PEMT: variants seen among roughly 807,000 people sequenced by gnomAD.
PEMT encodes the protein phosphatidylethanolamine N-methyltransferase, also known as phospholipid methyltransferase.
In PEMT, 23 loss-of-function variants were observed where a neutral mutation model predicts 27.4. The ratio of observed to expected loss-of-function variants is 0.84; its 90% CI spans 0.60 to 1.19. PEMT has a LOEUF of 1.19. Ranked by LOEUF, PEMT falls within the 50% of genes most tolerant of loss-of-function variation. The probability of loss-of-function intolerance (pLI) is 0.00; values close to 1 mark genes in which losing one functional copy is unlikely to be tolerated. For synonymous variants in PEMT, 137 were observed against 139.1 expected (o/e 0.98, Z 0.11); for missense variants, 307 against 310.1 (o/e 0.99, Z 0.07).
intron 1 of PEMT, among the ~76,000 whole-genome samples, chr17:17,584,083 C>T (rs1912115070): frequency 6.6e-6 from 1 of 152,230 alleles, no homozygotes; most frequent in Non-Finnish European, 1.5e-5. Flanking sequence ...CGGTGCTTCT[C>T]AAGGCCCTGC....
Position 17,513,632 on chromosome 17 carries a change from G to A in PEMT, c.321-978C>T, listed in dbSNP as rs1314463327. Among the ~76,000 whole-genome samples, 3 of 152,134 alleles carry A rather than the reference G, an allele frequency of 2.0e-5. No individual in the cohort carries two copies. Among genetic ancestry groups the A allele is most frequent in the Admixed American group, 2.0e-4 (3 of 15,274 alleles). ...GGCAGTGGCGTGACCAAAAGGGGGTGACTATGACAGCAGTGGGTCTAGAGG... is the reference window on the plus strand; with the variant it reads ...GGCAGTGGCGTGACCAAAAGGGGGTAACTATGACAGCAGTGGGTCTAGAGG... On this transcript the variant is annotated intron_variant, in intron 3 of 6. Coordinates refer to ENST00000255389, the MANE Select transcript of PEMT (RefSeq NM_148172.3). The surrounding 1 kb of genome is among the most constrained non-coding windows in gnomAD (Gnocchi z 4.1).
chr17:17,554,249 C>T (rs887898942), intron 2 of PEMT, among the ~76,000 whole-genome samples: 1 of 152,250 alleles, frequency 6.6e-6, no homozygotes, highest in African/African-American at 2.4e-5. Context: ...CCCTCAGCCA[C>T]AAGGCAGTGG....
In PEMT at chr17:17,523,671, C is replaced by T. The variant is rs1180203026; in HGVS notation, c.205-1276G>A. The stretch of plus-strand genomic sequence containing the variant: ...CTGACTCTGTGGGAAGCTCAAAAGG[C>T]GGAAGGAATAAGCGCTGCAGGGGTG... On this transcript the variant is annotated intron_variant, in intron 2 of 6. Transcript: ENST00000255389. The surrounding 1 kb of genome is among the most constrained non-coding windows in gnomAD (Gnocchi z 4.8). Among the ~76,000 whole-genome samples the T allele has an allele frequency of 6.6e-6, 1 of 151,500 alleles. No individual in the cohort carries two copies. Among genetic ancestry groups the T allele is most frequent in the African/African-American group, 2.4e-5 (1 of 41,124 alleles).
In PEMT at chr17:17,577,073, C is replaced by A. The variant is rs369960092; in HGVS notation, c.97-46G>T. 6 of 1,409,288 alleles carry A rather than the reference C, an allele frequency of 4.3e-6. No individual in the cohort carries two copies. In the African/African-American group the frequency reaches 7.0e-5, roughly 17 times the overall value. The allele number at this position is 1,409,288 out of a possible 1,614,324, so 87.3% of individuals were successfully genotyped here. A position where few individuals can be genotyped will look rare whatever the true frequency, so the allele number is the denominator to read the frequency against. On this transcript the variant is annotated intron_variant, in intron 1 of 6. Coordinates refer to ENST00000255389, the MANE Select transcript of PEMT (RefSeq NM_148172.3). ...TCAGCACCACCCAGACACAGCAGGGCCTGTGAGCCCCCAGGAGTCGGAGAA... is the reference window on the plus strand; with the variant it reads ...TCAGCACCACCCAGACACAGCAGGGACTGTGAGCCCCCAGGAGTCGGAGAA...
chr17:17,576,413 C>G (rs2142742112), intron 2 of PEMT, among the ~76,000 whole-genome samples: 1 of 152,342 alleles, frequency 6.6e-6, no homozygotes, highest in South Asian at 2.1e-4. Context: ...TCCTGCCACC[C>G]AGCTCGCCTA....
intron 2 of PEMT, among the ~76,000 whole-genome samples, chr17:17,568,398 C>T (rs1169556579): frequency 6.6e-6 from 1 of 152,256 alleles, no homozygotes; most frequent in African/African-American, 2.4e-5. Context: ...TTCTATGTAA[C>T]ATCTAATGTC....
chr17:17,577,419 ATC>A, intron 1 of PEMT: 1 of 966,222 alleles, frequency 1.0e-6, no homozygotes, highest in South Asian at 3.3e-5. Flanking sequence ...CCTACCAGGA[ATC>A]AGGTAAAAGC....
intron 2 of PEMT, among the ~76,000 whole-genome samples, chr17:17,528,513 T>C (rs906825291): frequency 2.0e-5 from 3 of 152,206 alleles, no homozygotes; most frequent in Non-Finnish European, 2.9e-5. Context: ...TTCCCTCGCC[T>C]TGCAGGGAGC....
intron 2 of PEMT, among the ~76,000 whole-genome samples, chr17:17,554,636 CAG>C (rs531474853): frequency 1.1e-3 from 174 of 151,852 alleles, no homozygotes; most frequent in African/African-American, 3.6e-3. Context: ...TTTTTTGAGA[CAG>C]AGTGTCTCGC....
intron 1 of PEMT, among the ~76,000 whole-genome samples, chr17:17,585,897 A>G (rs1166266115): frequency 6.6e-6 from 1 of 151,906 alleles, no homozygotes; most frequent in Non-Finnish European, 1.5e-5. Flanking sequence ...CCTGGCTAAC[A>G]CGGTGAAACC....
intron 2 of PEMT, among the ~76,000 whole-genome samples, chr17:17,545,426 C>T (rs965230389): frequency 6.6e-6 from 1 of 152,210 alleles, no homozygotes; most frequent in African/African-American, 2.4e-5. Context: ...ATTACAGGTG[C>T]TGTCAGGCCA....
chr17:17,535,356 G>A (rs1908385942), intron 2 of PEMT, among the ~76,000 whole-genome samples: 1 of 152,026 alleles, frequency 6.6e-6, no homozygotes, highest in Non-Finnish European at 1.5e-5. Flanking sequence ...TCACGAGGTT[G>A]GGAGATCAAG....
At chr17:17,569,012 T>C (rs1014427125) in intron 2 of PEMT, among the ~76,000 whole-genome samples, 4 of 152,106 alleles carry the variant, frequency 2.6e-5, no homozygotes, top group Non-Finnish European at 5.9e-5. Context: ...AAGTGGACTC[T>C]CACCTCCCAG....
At chr17:17,557,251 C>T (rs957464975) in intron 2 of PEMT, among the ~76,000 whole-genome samples, 2 of 152,302 alleles carry the variant, frequency 1.3e-5, no homozygotes, top group South Asian at 4.1e-4. Flanking sequence ...CTGACCCTCA[C>T]GCAGGGACAC....
At chr17:17,549,843 G>A (rs967907498) in intron 2 of PEMT, among the ~76,000 whole-genome samples, 3 of 152,174 alleles carry the variant, frequency 2.0e-5, no homozygotes, top group Admixed American at 1.3e-4. Flanking sequence ...CCCAGCAGAC[G>A]GGAGGCACGT....
chr17:17,584,592 G>A (rs1361505404), intron 1 of PEMT, among the ~76,000 whole-genome samples: 1 of 152,156 alleles, frequency 6.6e-6, no homozygotes, highest in Non-Finnish European at 1.5e-5. Flanking sequence ...CTACAAGTGT[G>A]AGCCACCAAG....
intron 2 of PEMT, among the ~76,000 whole-genome samples, chr17:17,546,663 C>A (rs1909283436): frequency 6.6e-6 from 1 of 152,212 alleles, no homozygotes; most frequent in African/African-American, 2.4e-5. Context: ...TTCGTCCGAC[C>A]CTGGGGAGCC....
intron 2 of PEMT, among the ~76,000 whole-genome samples, chr17:17,562,432 C>G (rs1424837378): frequency 6.6e-6 from 1 of 152,138 alleles, no homozygotes; most frequent in African/African-American, 2.4e-5. Context: ...CTGTCCCTCG[C>G]CACGGGCTGT....
chr17:17,513,846 C>T lies in PEMT; in HGVS notation c.321-1192G>A, dbSNP rs1906599139. Among the ~76,000 whole-genome samples, 1 of 152,088 alleles carries T rather than the reference C, an allele frequency of 6.6e-6. No individual in the cohort carries two copies. Among genetic ancestry groups the T allele is most frequent in the African/African-American group, 2.4e-5 (1 of 41,386 alleles). Reference sequence around the variant, plus strand: ...GTGTGGGAGCACGGACATGTGTGACCAAATGTGCTCTTCCCATGCTCACAA... The same window carrying T: ...GTGTGGGAGCACGGACATGTGTGACTAAATGTGCTCTTCCCATGCTCACAA... On this transcript the variant is annotated intron_variant, in intron 3 of 6. Transcript: ENST00000255389. The surrounding 1 kb of genome is among the most constrained non-coding windows in gnomAD (Gnocchi z 4.1).
Sources: allele counts gnomAD v4.1 joint callset (sites outside exome capture counted in the v4.1 genomes callset), GRCh38; gene constraint gnomAD v4.1.1; non-coding constraint Gnocchi (gnomAD v3.1); transcripts MANE v1.5; gene names NCBI Gene and HGNC (gene_info 2026-07-23, HGNC 2026-07-21).